The following AKAP7 variants were observed in gnomAD, a reference collection of about 807,000 sequenced individuals.
AKAP7 encodes the protein A-kinase anchoring protein 7, also known as A kinase (PRKA) anchor protein 7.
AKAP7 carries 39 observed loss-of-function variants against 39.5 expected under a neutral mutation model. The ratio of observed to expected loss-of-function variants is 0.99; its 90% CI spans 0.76 to 1.29. AKAP7 has a LOEUF of 1.29. AKAP7 is among the 50% of genes most tolerant of loss of function. The probability of loss-of-function intolerance (pLI) is 0.00; values close to 1 mark genes in which losing one functional copy is unlikely to be tolerated. For synonymous variants in AKAP7, 140 were observed against 139.1 expected, an observed-to-expected ratio of 1.01 and a Z score of -0.05; for missense variants, 414 against 407.7, an observed-to-expected ratio of 1.02 and a Z score of -0.13.
chr6:131,281,136 T>C lies in AKAP7; in HGVS notation c.851-394T>C, dbSNP rs1334021534. ...TGCTAGGGAAATCTTGATGACCTGA[T>C]ATTTGATATTCGAGAATGAGAAGCA... On this transcript the variant is annotated intron_variant, in intron 7 of 7. Coordinates refer to ENST00000431975, the MANE Select transcript of AKAP7 (RefSeq NM_016377.4). This position sits in a 1 kb window ranked among gnomAD's most constrained non-coding sequence, Gnocchi z 4.0. Among the ~76,000 whole-genome samples the C allele has an allele frequency of 1.3e-5, 2 of 152,186 alleles. No homozygotes were observed. Among genetic ancestry groups the C allele is most frequent in the Non-Finnish European group, 2.9e-5 (2 of 68,034 alleles).
chr6:131,157,587 T>TGA (rs1460082094), intron 2 of AKAP7, among the ~76,000 whole-genome samples: 1 of 152,186 alleles, frequency 6.6e-6, no homozygotes, highest in East Asian at 1.9e-4. Context: ...GGCAGCCCAG[T>TGA]GATATATTCA....
intron 7 of AKAP7, among the ~76,000 whole-genome samples, chr6:131,278,140 C>T (rs2128339253): frequency 6.6e-6 from 1 of 152,236 alleles, no homozygotes; most frequent in South Asian, 2.1e-4. Flanking sequence ...ATGTATTGAG[C>T]TCTTATTGTG....
At chr6:131,207,491 A>ATTCTTTTTTTTTTTTTTT in intron 6 of AKAP7, among the ~76,000 whole-genome samples, 1 of 78,796 alleles carries the variant, frequency 1.3e-5, no homozygotes, top group Non-Finnish European at 2.6e-5. Context: ...GCTAATTAAA[A>ATTCTTTTTTTTTTTTTTT]TTTTTTTTTT....
At chr6:131,180,829 G>GTTTTTTTTT (rs869088113) in intron 5 of AKAP7, among the ~76,000 whole-genome samples, 4 of 82,156 alleles carry the variant, frequency 4.9e-5, no homozygotes, top group Non-Finnish European at 2.5e-5. Flanking sequence ...TTTTTTGTTT[G>GTTTTTTTTT]TTTTGTTTTT....
intron 7 of AKAP7, among the ~76,000 whole-genome samples, chr6:131,231,688 C>T (rs1394088987): frequency 1.3e-5 from 2 of 152,066 alleles, no homozygotes; most frequent in African/African-American, 4.8e-5. Context: ...CTATTACTTA[C>T]TAGGCTGGGA....
In AKAP7 at chr6:131,219,694, A is replaced by G. The variant is rs750480907; in HGVS notation, c.736A>G (p.Lys246Glu). The G allele has an allele frequency of 1.3e-6, 2 of 1,595,790 alleles. No individual in the cohort carries two copies. Among genetic ancestry groups the G allele is most frequent in the East Asian group, 4.5e-5 (2 of 44,062 alleles). The stretch of plus-strand genomic sequence containing the variant: ...AAAAATAGATCCTGATTTATATGAA[A>G]AGTTTATCAGTCACAGATTTGGAGA... ...VKKIDPDLYE[K>E]FISHRFGEEI... The change falls in exon 7 of 8, where the codon AAG becomes GAG. Residue 246 changes from lysine (K) to glutamate (E), a missense_variant. Lys to Glu is a moderately conservative substitution (Grantham distance 56). Transcript: ENST00000431975.
At chr6:131,228,480 C>T (rs1253954446) in intron 7 of AKAP7, among the ~76,000 whole-genome samples, 4 of 152,054 alleles carry the variant, frequency 2.6e-5, no homozygotes, top group Non-Finnish European at 5.9e-5. Context: ...GTATTCTAAT[C>T]ATTTACAAGG....
intron 6 of AKAP7, among the ~76,000 whole-genome samples, chr6:131,207,885 T>C (rs1808281283): frequency 6.6e-6 from 1 of 152,190 alleles, no homozygotes; most frequent in Non-Finnish European, 1.5e-5. Context: ...GAACCTTGAT[T>C]ATTCCAGACA....
chr6:131,215,995 A>G (rs1809139232), intron 6 of AKAP7, among the ~76,000 whole-genome samples: 1 of 152,230 alleles, frequency 6.6e-6, no homozygotes, highest in African/African-American at 2.4e-5. Context: ...TGCCAAGCTT[A>G]CTATCAGTAG....
At chr6:131,136,809 T>C (rs561128305) in intron 1 of AKAP7, 1 of 975,304 alleles carries the variant, frequency 1.0e-6, no homozygotes, top group African/African-American at 1.8e-5. Flanking sequence ...AGTAACTTGT[T>C]GATTTCTACG....
At chr6:131,233,399 C>A (rs1306990498) in intron 7 of AKAP7, among the ~76,000 whole-genome samples, 2 of 152,202 alleles carry the variant, frequency 1.3e-5, no homozygotes, top group Non-Finnish European at 2.9e-5. Flanking sequence ...GACTCAAAGC[C>A]CAGTTACCCC....
At chr6:131,236,450 T>A (rs2128309460) in intron 7 of AKAP7, among the ~76,000 whole-genome samples, 1 of 152,368 alleles carries the variant, frequency 6.6e-6, no homozygotes, top group African/African-American at 2.4e-5. Context: ...AGAAAGTCAT[T>A]GGTAGCTTGA....
At chr6:131,277,439 T>C (rs1814838673) in intron 7 of AKAP7, among the ~76,000 whole-genome samples, 1 of 152,206 alleles carries the variant, frequency 6.6e-6, no homozygotes, top group African/African-American at 2.4e-5. Context: ...TATATGTACT[T>C]CTGTTGGAAT....
chr6:131,224,730 CTTTTTT>C (rs779047229), intron 7 of AKAP7, among the ~76,000 whole-genome samples: 2 of 55,084 alleles, frequency 3.6e-5, no homozygotes, highest in African/African-American at 7.3e-5. Context: ...AGTTGATTCA[CTTTTTT>C]TTTTTTTTTT....
At chr6:131,146,864 C>T (rs545357197) in intron 2 of AKAP7, among the ~76,000 whole-genome samples, 4 of 152,346 alleles carry the variant, frequency 2.6e-5, no homozygotes, top group Admixed American at 6.5e-5. Context: ...TATAGCCAGG[C>T]ATTGTGCTGG....
At chr6:131,223,400 C>G (rs919322731) in intron 7 of AKAP7, among the ~76,000 whole-genome samples, 19 of 152,310 alleles carry the variant, frequency 1.2e-4, no homozygotes, top group Non-Finnish European at 2.8e-4. Flanking sequence ...AATTTTACTT[C>G]CAAATTTTCA....
Position 131,199,566 on chromosome 6 carries a change from G to C in AKAP7, c.695G>C (p.Arg232Pro), listed in dbSNP as rs186732768. The change falls in exon 6 of 8, where the codon CGT becomes CCT. Residue 232 changes from arginine to proline, a missense_variant. Arg to Pro is a moderately radical substitution (Grantham distance 103, BLOSUM62 -2). Transcript: ENST00000431975. ...FMKLSKSPWL[R>P]KNGVKKIDPD... ...AAGTTGTCAAAATCACCGTGGCTCCGTAAGAATGTGAGTGCATGTTCTTAT... is the reference window on the plus strand; with the variant it reads ...AAGTTGTCAAAATCACCGTGGCTCCCTAAGAATGTGAGTGCATGTTCTTAT... 6.3e-7 allele frequency: 1 copy of C among 1,599,066 alleles called. No individual in the cohort carries two copies. Among genetic ancestry groups the C allele is most frequent in the African/African-American group, 1.3e-5 (1 of 74,700 alleles).
Position 131,281,204 on chromosome 6 carries a change from G to A in AKAP7, c.851-326G>A, listed in dbSNP as rs1321674496. On this transcript the variant is annotated intron_variant, in intron 7 of 7. Coordinates refer to ENST00000431975, the MANE Select transcript of AKAP7 (RefSeq NM_016377.4). This position sits in a 1 kb window ranked among gnomAD's most constrained non-coding sequence, Gnocchi z 4.0. ...TGAATTCACATGTCTGAGACTCCAC[G>A]TGGTGGGGACATGGACGTTAGTAGT... Among the ~76,000 whole-genome samples the A allele has an allele frequency of 1.3e-5, 2 of 152,178 alleles. No individual in the cohort carries two copies. The highest frequency in any genetic ancestry group is 4.8e-5 in the African/African-American group (2 of 41,444).
chr6:131,135,459 G>C (rs985307632), upstream of AKAP7, among the ~76,000 whole-genome samples: 1 of 150,306 alleles, frequency 6.7e-6, no homozygotes, highest in Admixed American at 6.6e-5. Context: ...GACTCGGGTC[G>C]GCCCCTTCTG....
Sources: allele counts gnomAD v4.1 joint callset (sites outside exome capture counted in the v4.1 genomes callset), GRCh38; gene constraint gnomAD v4.1.1; non-coding constraint Gnocchi (gnomAD v3.1); transcripts MANE v1.5; gene names NCBI Gene and HGNC (gene_info 2026-07-23, HGNC 2026-07-21).